RAB11FIP3: variants seen among roughly 807,000 people sequenced by gnomAD.
The protein encoded by RAB11FIP3 is RAB11 family interacting protein 3, also known as rab11 family-interacting protein 3.
A neutral mutation model predicts 77.8 loss-of-function variants in RAB11FIP3; 17 were observed. That is an observed-to-expected ratio of 0.22 (90% confidence interval 0.15 to 0.33). The LOEUF (loss-of-function observed/expected upper bound fraction) is 0.33. Ranked by LOEUF, RAB11FIP3 falls within the 10% of genes least tolerant of loss-of-function variation. The pLI, the probability that RAB11FIP3 is intolerant of heterozygous loss-of-function variation, is 1.00. For synonymous variants in RAB11FIP3, 437 were observed against 448.2 expected, an observed-to-expected ratio of 0.98 and a Z score of 0.31; for missense variants, 1,005 against 1,011.2, an observed-to-expected ratio of 0.99 and a Z score of 0.08.
At chr16:447,202 G>A (rs1049615936) in intron 1 of RAB11FIP3, among the ~76,000 whole-genome samples, 9 of 152,124 alleles carry the variant, frequency 5.9e-5, no homozygotes, top group Admixed American at 4.6e-4. Flanking sequence ...CTACTTGGGA[G>A]GCTGAGGCAG....
intron 5 of RAB11FIP3, chr16:491,142 C>T (rs2030145439): frequency 2.3e-6 from 3 of 1,302,038 alleles, no homozygotes; most frequent in African/African-American, 1.5e-5. Context: ...AGCACTGACC[C>T]TCTTGCCGCA....
chr16:500,550 T>C (rs2031441480), intron 6 of RAB11FIP3, among the ~76,000 whole-genome samples: 1 of 151,346 alleles, frequency 6.6e-6, no homozygotes, highest in Non-Finnish European at 1.5e-5. Context: ...TAGCTGGGCA[T>C]GGTGGCAGGT....
intron 5 of RAB11FIP3, among the ~76,000 whole-genome samples, chr16:496,578 C>T (rs578119643): frequency 6.6e-6 from 1 of 152,340 alleles, no homozygotes; most frequent in Non-Finnish European, 1.5e-5. Flanking sequence ...TCTGGGGTGG[C>T]TGCATCTGGA....
chr16:468,343 T>C (rs1252846955), intron 2 of RAB11FIP3, among the ~76,000 whole-genome samples: 3 of 127,386 alleles, frequency 2.4e-5, no homozygotes, highest in South Asian at 5.1e-4. Context: ...TGCCATGGCA[T>C]TGGACACATG....
chr16:444,336 G>A (rs768821367), intron 1 of RAB11FIP3, among the ~76,000 whole-genome samples: 1 of 152,096 alleles, frequency 6.6e-6, no homozygotes, highest in Non-Finnish European at 1.5e-5. Flanking sequence ...AGTAGACTAA[G>A]GCAGGCAGCA....
intron 5 of RAB11FIP3, among the ~76,000 whole-genome samples, chr16:491,773 G>T: frequency 6.6e-6 from 1 of 152,216 alleles, no homozygotes; most frequent in East Asian, 1.9e-4. Context: ...ACGGTTTTGA[G>T]TGCTTTGCAC....
chr16:467,379 C>T (rs2055719566), intron 2 of RAB11FIP3, among the ~76,000 whole-genome samples: 1 of 151,384 alleles, frequency 6.6e-6, no homozygotes, highest in South Asian at 2.1e-4. Context: ...GAGCTGACTG[C>T]AGAGTGGAGT....
At chr16:486,251 TG>T (rs1264667771) in intron 4 of RAB11FIP3, among the ~76,000 whole-genome samples, 3 of 152,140 alleles carry the variant, frequency 2.0e-5, no homozygotes, top group Non-Finnish European at 4.4e-5. Context: ...TCCAGCCCTT[TG>T]GGGGGCCGAG....
rs1012960986 is a variant in RAB11FIP3 at position 514,797 on chromosome 16, T to C, written c.1640+3997T>C. On this transcript the variant is annotated intron_variant, in intron 9 of 13. Coordinates refer to ENST00000262305, the MANE Select transcript of RAB11FIP3 (RefSeq NM_014700.4). The surrounding 1 kb of genome is among the most constrained non-coding windows in gnomAD (Gnocchi z 4.6). ...GAAGGCTGATGGGGCCACAGTGGCA[T>C]GTCCACAGAGACCGGGGCCTGATTT... Among the ~76,000 whole-genome samples, 3 of 152,180 alleles carry C rather than the reference T, an allele frequency of 2.0e-5. No homozygotes were observed. The highest frequency in any genetic ancestry group is 4.4e-5 in the Non-Finnish European group (3 of 68,010).
chr16:431,512 T>G (rs1036878642), intron 1 of RAB11FIP3, among the ~76,000 whole-genome samples: 4 of 152,026 alleles, frequency 2.6e-5, no homozygotes, highest in Non-Finnish European at 4.4e-5. Flanking sequence ...CCTGAGTAGC[T>G]TGGACTACAG....
At chr16:440,804 C>T (rs779950667) in intron 1 of RAB11FIP3, among the ~76,000 whole-genome samples, 50 of 152,220 alleles carry the variant, frequency 3.3e-4, no homozygotes, top group Non-Finnish European at 6.2e-4. Context: ...GCTGGTTCAG[C>T]TGCAGCTGTG....
At chr16:458,623 T>TTCCTCGGGTTCACCGATGCCCACAG (rs2055549496) in intron 1 of RAB11FIP3, among the ~76,000 whole-genome samples, 2 of 54,234 alleles carry the variant, frequency 3.7e-5, no homozygotes, top group Admixed American at 1.5e-4. Context: ...GATGCTCATC[T>TTCCTCGGGTTCACCGATGCCCACAG]GCCGTAACCT....
In RAB11FIP3 at chr16:514,900, G is replaced by A. The variant is rs934269512; in HGVS notation, c.1641-4043G>A. 4.6e-5 allele frequency among the ~76,000 whole-genome samples: 7 copies of A among 152,240 alleles called. No individual in the cohort carries two copies. Among genetic ancestry groups the A allele is most frequent in the African/African-American group, 9.6e-5 (4 of 41,464 alleles). On this transcript the variant is annotated intron_variant, in intron 9 of 13. Coordinates refer to ENST00000262305, the MANE Select transcript of RAB11FIP3 (RefSeq NM_014700.4). The surrounding 1 kb of genome is among the most constrained non-coding windows in gnomAD (Gnocchi z 4.6). ...CAGGCACAGAGTGAACTGGGTGAAC[G>A]TGGCCCTGGTGTGTGGTGCTTTCTA... is the stretch of plus-strand genomic sequence containing the variant.
chr16:508,028 C>T (rs1041991856), intron 8 of RAB11FIP3, among the ~76,000 whole-genome samples: 6 of 152,226 alleles, frequency 3.9e-5, no homozygotes, highest in Non-Finnish European at 7.3e-5. Context: ...CTGGGTCCCA[C>T]GTTTTCTTCT....
intron 3 of RAB11FIP3, among the ~76,000 whole-genome samples, chr16:474,568 G>A (rs552977070): frequency 3.9e-5 from 6 of 152,270 alleles, no homozygotes; most frequent in East Asian, 1.9e-4. Context: ...CTGGAAGAGC[G>A]AAGGGAAAGT....
intron 1 of RAB11FIP3, among the ~76,000 whole-genome samples, chr16:455,743 G>A (rs1437845397): frequency 6.6e-6 from 1 of 152,024 alleles, no homozygotes; most frequent in African/African-American, 2.4e-5. Flanking sequence ...CTACTGGCAC[G>A]TGGACCGACG....
chr16:463,070 G>A (rs1374714566), intron 2 of RAB11FIP3, among the ~76,000 whole-genome samples: 1 of 152,196 alleles, frequency 6.6e-6, no homozygotes, highest in Non-Finnish European at 1.5e-5. Flanking sequence ...GGTAAACTCG[G>A]TTCTTCACAG....
intron 1 of RAB11FIP3, among the ~76,000 whole-genome samples, chr16:448,568 C>T (rs1210936185): frequency 6.6e-6 from 1 of 151,792 alleles, no homozygotes. Flanking sequence ...AACCCCTTCT[C>T]TAATAAAAAT....
At chr16:496,038 C>G (rs2031098511) in intron 5 of RAB11FIP3, among the ~76,000 whole-genome samples, 1 of 152,168 alleles carries the variant, frequency 6.6e-6, no homozygotes, top group South Asian at 2.1e-4. Context: ...GCATGAGCCA[C>G]CACGCCCGGC....
Sources: gnomAD v4.1 joint callset for allele counts (sites outside exome capture counted in the v4.1 genomes callset) on GRCh38, gnomAD v4.1.1 for gene constraint, Gnocchi (gnomAD v3.1) non-coding constraint, MANE v1.5 for transcripts, NCBI Gene and HGNC (gene_info 2026-07-23, HGNC 2026-07-21) for gene names.